Variants in TNFSF4 observed in about 807,000 individuals in gnomAD.
TNFSF4 encodes the protein TNF superfamily member 4.
A neutral mutation model predicts 7.3 loss-of-function variants in TNFSF4; 4 were observed. That is an observed-to-expected ratio of 0.55 (90% CI 0.27 to 1.25). The LOEUF is 1.25. Ranked by LOEUF, TNFSF4 falls within the 50% of genes most tolerant of loss-of-function variation. The pLI is 0.12. For synonymous variants in TNFSF4, 76 were observed against 83.7 expected, an observed-to-expected ratio of 0.91 and a Z score of 0.50; for missense variants, 181 against 208.8, an observed-to-expected ratio of 0.87 and a Z score of 0.82.
chr1:173,412,909 T>A, the TNFSF4 span, among the ~76,000 whole-genome samples: 1 of 152,144 alleles, frequency 6.6e-6, no homozygotes, highest in Non-Finnish European at 1.5e-5. Flanking sequence ...CAGATAAGTT[T>A]GAGTTCAATA....
At chr1:173,368,624 C>A in the TNFSF4 span, among the ~76,000 whole-genome samples, 1 of 152,138 alleles carries the variant, frequency 6.6e-6, no homozygotes, top group African/African-American at 2.4e-5. Flanking sequence ...TTTCCTGGAA[C>A]CAGATTCCGC....
chr1:173,383,279 A>G, the TNFSF4 span, among the ~76,000 whole-genome samples: 1 of 152,226 alleles, frequency 6.6e-6, no homozygotes, highest in African/African-American at 2.4e-5. Context: ...GTCTACATAA[A>G]TAAAAGTGCA....
chr1:173,433,257 T>C, the TNFSF4 span, among the ~76,000 whole-genome samples: 8 of 152,204 alleles, frequency 5.3e-5, no homozygotes, highest in African/African-American at 9.7e-5. Context: ...TAAGGAGTGT[T>C]GTCTCAAGTG....
chr1:173,391,435 CAAAAAAAAAAAAA>C, the TNFSF4 span, among the ~76,000 whole-genome samples: 4 of 108,818 alleles, frequency 3.7e-5, no homozygotes, highest in African/African-American at 6.9e-5. Flanking sequence ...CCTTAGAAAG[CAAAAAAAAAAAAA>C]AAAAAAAAAA....
the TNFSF4 span, among the ~76,000 whole-genome samples, chr1:173,349,986 C>T: frequency 2.6e-5 from 4 of 152,154 alleles, no homozygotes; most frequent in African/African-American, 9.7e-5. Context: ...ATCTTCAAAA[C>T]AGAAGCAAGT....
At chr1:173,448,531 G>C in the TNFSF4 span, among the ~76,000 whole-genome samples, 4 of 152,126 alleles carry the variant, frequency 2.6e-5, no homozygotes, top group East Asian at 1.9e-4. Context: ...AAGGGAGATA[G>C]GGGTGGGGCC....
At chr1:173,201,340 A>G (rs981505190) in intron 1 of TNFSF4, among the ~76,000 whole-genome samples, 1 of 152,200 alleles carries the variant, frequency 6.6e-6, no homozygotes, top group Admixed American at 6.5e-5. Context: ...TAATCCTAAA[A>G]ATTACATTGG....
chr1:173,390,433 T>C, the TNFSF4 span, among the ~76,000 whole-genome samples: 1 of 152,192 alleles, frequency 6.6e-6, no homozygotes, highest in Non-Finnish European at 1.5e-5. Flanking sequence ...GATTTTTCCT[T>C]TCTTTTGTAT....
chr1:173,293,183 C>A, the TNFSF4 span, among the ~76,000 whole-genome samples: 7 of 151,982 alleles, frequency 4.6e-5, no homozygotes, highest in Non-Finnish European at 1.0e-4. Context: ...TAGAACACAG[C>A]CAAAGACATC....
the TNFSF4 span, among the ~76,000 whole-genome samples, chr1:173,401,241 T>A: frequency 6.6e-6 from 1 of 152,216 alleles, no homozygotes; most frequent in Non-Finnish European, 1.5e-5. Context: ...AGTAATATCA[T>A]GTGGAATTAT....
the TNFSF4 span, among the ~76,000 whole-genome samples, chr1:173,403,114 A>C: frequency 2.0e-5 from 3 of 152,184 alleles, no homozygotes; most frequent in African/African-American, 4.8e-5. Context: ...AGCCTCCCAA[A>C]GTGCCAGGAT....
chr1:173,226,036 T>C, the TNFSF4 span, among the ~76,000 whole-genome samples: 1 of 152,254 alleles, frequency 6.6e-6, no homozygotes, highest in Non-Finnish European at 1.5e-5. Flanking sequence ...AATGTGAGTA[T>C]TGATATGTGA....
the TNFSF4 span, among the ~76,000 whole-genome samples, chr1:173,329,108 A>G: frequency 6.6e-6 from 1 of 152,216 alleles, no homozygotes; most frequent in African/African-American, 2.4e-5. Context: ...TCTTTTTAAA[A>G]TTATGCCTGA....
the TNFSF4 span, among the ~76,000 whole-genome samples, chr1:173,249,829 T>C: frequency 6.6e-6 from 1 of 152,220 alleles, no homozygotes; most frequent in African/African-American, 2.4e-5. Flanking sequence ...CAGGAAGAGA[T>C]AATGCATCAT....
the TNFSF4 span, among the ~76,000 whole-genome samples, chr1:173,246,688 A>G: frequency 3.9e-5 from 6 of 152,222 alleles, no homozygotes; most frequent in Non-Finnish European, 7.3e-5. Flanking sequence ...CACACATACT[A>G]AAGTACTAGA....
the TNFSF4 span, among the ~76,000 whole-genome samples, chr1:173,274,124 T>TACACACACACACAC: frequency 0.18 from 25,827 of 145,046 alleles, 2,363 homozygotes; most frequent in Admixed American, 0.27. Context: ...TCCATGTTCA[T>TACACACACACACAC]ACACACACAC....
At chr1:173,239,618 G>A in the TNFSF4 span, among the ~76,000 whole-genome samples, 20 of 152,232 alleles carry the variant, frequency 1.3e-4, no homozygotes, top group African/African-American at 4.8e-4. Context: ...AGCTTGGAAC[G>A]GAGCTGAAAG....
the TNFSF4 span, among the ~76,000 whole-genome samples, chr1:173,281,628 T>C: frequency 6.6e-6 from 1 of 152,276 alleles, no homozygotes; most frequent in South Asian, 2.1e-4. Flanking sequence ...TTTTTTAAGA[T>C]AACATTTAGA....
chr1:173,232,226 A>G, the TNFSF4 span, among the ~76,000 whole-genome samples: 2 of 151,936 alleles, frequency 1.3e-5, no homozygotes, highest in Non-Finnish European at 2.9e-5. Flanking sequence ...TTCTCTTTGA[A>G]GCAATTGTGA....
Sources: allele counts gnomAD v4.1 joint callset (sites outside exome capture counted in the v4.1 genomes callset), GRCh38; gene constraint gnomAD v4.1.1; transcripts MANE v1.5; gene names NCBI Gene and HGNC (gene_info 2026-07-23, HGNC 2026-07-21).